The following ALPK1 variants were observed in gnomAD, a reference collection of about 807,000 sequenced individuals.
ALPK1 encodes the protein alpha-protein kinase 1.
ALPK1 carries 110 observed loss-of-function variants against 120.6 expected under a neutral mutation model. That is an observed-to-expected ratio of 0.91 (90% CI 0.78 to 1.07). The LOEUF is 1.07. Ranked by LOEUF, ALPK1 falls within the 50% of genes least tolerant of loss-of-function variation. The pLI is 0.00. For synonymous variants in ALPK1, 582 were observed against 560.3 expected (o/e 1.04, Z -0.55); for missense variants, 1,498 against 1,483.9 (o/e 1.01, Z -0.16).
At chr4:112,423,623 C>A in intron 5 of ALPK1, 1 of 454,374 alleles carries the variant, frequency 2.2e-6, no homozygotes. Flanking sequence ...ATAGTTTTCA[C>A]AGGGAGGCGG....
chr4:112,359,142 A>G, intron 2 of ALPK1: 1 of 685,698 alleles, frequency 1.5e-6, no homozygotes, highest in Non-Finnish European at 2.7e-6. Context: ...GCTGGATCCC[A>G]GAGAGCACCT....
At chr4:112,350,809 A>C (rs1248833709) in intron 2 of ALPK1, among the ~76,000 whole-genome samples, 1 of 152,176 alleles carries the variant, frequency 6.6e-6, no homozygotes, top group African/African-American at 2.4e-5. Context: ...CAGAGAATAC[A>C]TCTCAAGTTG....
chr4:112,429,928 A>G (rs1039992598), intron 10 of ALPK1, among the ~76,000 whole-genome samples: 3 of 152,006 alleles, frequency 2.0e-5, no homozygotes, highest in Non-Finnish European at 4.4e-5. Flanking sequence ...GCTCCACCCT[A>G]GATCCACTAA....
chr4:112,338,550 A>G lies in ALPK1; in HGVS notation c.-101+22698A>G, dbSNP rs1286993968. Among the ~76,000 whole-genome samples, 6 of 152,208 alleles carry G rather than the reference A, an allele frequency of 3.9e-5. 1 individual carries two copies. Among genetic ancestry groups the G allele is most frequent in the Non-Finnish European group, 7.3e-5 (5 of 68,034 alleles). ...AAAATATATGTAACGGATAAGAGGAAAAGCCTACAGAAAAGATGCTTAATA... is the reference window on the plus strand; with the variant it reads ...AAAATATATGTAACGGATAAGAGGAGAAGCCTACAGAAAAGATGCTTAATA... On this transcript the variant is annotated intron_variant, in intron 2 of 15. Transcript: ENST00000650871.
intron 1 of ALPK1, among the ~76,000 whole-genome samples, chr4:112,311,035 A>C (rs1174878383): frequency 6.6e-6 from 1 of 152,230 alleles, no homozygotes; most frequent in Non-Finnish European, 1.5e-5. Context: ...ACAAGTTCAC[A>C]CGTAGCTGGT....
At position 112,416,002 on chromosome 4, in the gene ALPK1, A is replaced by G. The variant is rs567659856; in HGVS notation, c.475+3977A>G. Among the ~76,000 whole-genome samples the G allele has an allele frequency of 9.2e-5, 14 of 152,380 alleles. 1 individual carries two copies. In the East Asian group the frequency reaches 2.7e-3, roughly 29 times the overall value. On this transcript the variant is annotated intron_variant, in intron 5 of 15. Coordinates refer to ENST00000650871, the MANE Select transcript of ALPK1 (RefSeq NM_025144.4). ...TACAATTATTTTGGCAAATCATAAT[A>G]AAAATTTCTAAATGCTCACTCTCAG...
chr4:112,411,770 G>T, intron 4 of ALPK1, 57 bp from the exon 5 acceptor site: 1 of 1,527,156 alleles, frequency 6.5e-7, no homozygotes, highest in South Asian at 1.2e-5. Flanking sequence ...GCTAAGCCTG[G>T]CCCTCAGCCT....
chr4:112,431,095 A>G lies in ALPK1; in HGVS notation c.1548A>G (p.Thr516=). 6.2e-7 allele frequency: 1 copy of G among 1,614,246 alleles called. No individual in the cohort carries two copies. The highest frequency in any genetic ancestry group is 1.6e-4 in the Middle Eastern group (1 of 6,062). The change falls in exon 11 of 16, where the codon ACA becomes ACG. Residue 516 remains threonine, a synonymous_variant. Transcript: ENST00000650871. ...TQEKPHCQRD[T]GISSSLMGKN... The stretch of plus-strand genomic sequence containing the variant: ...AAAAGCCACATTGTCAAAGAGACAC[A>G]GGAATATCTTCCTCCCTAATGGGTA...
intron 1 of ALPK1, among the ~76,000 whole-genome samples, chr4:112,306,346 C>T (rs1728055272): frequency 6.6e-6 from 1 of 152,060 alleles, no homozygotes; most frequent in Non-Finnish European, 1.5e-5. Context: ...CTTTGTACCT[C>T]TGGTAGAATT....
At chr4:112,366,088 T>C (rs1228418001) in intron 2 of ALPK1, among the ~76,000 whole-genome samples, 1 of 152,080 alleles carries the variant, frequency 6.6e-6, no homozygotes, top group Non-Finnish European at 1.5e-5. Flanking sequence ...ATCTAAGACC[T>C]AAAACCATAA....
At chr4:112,364,615 T>G (rs1731059296) in intron 2 of ALPK1, among the ~76,000 whole-genome samples, 1 of 152,130 alleles carries the variant, frequency 6.6e-6, no homozygotes, top group South Asian at 2.1e-4. Flanking sequence ...ACAGCTGAAT[T>G]CTATCAGACA....
intron 2 of ALPK1, chr4:112,356,440 C>T (rs1469270769): frequency 5.3e-6 from 5 of 939,952 alleles, no homozygotes; most frequent in South Asian, 1.3e-5. Context: ...GCTTGCTACA[C>T]GGACATCCCA....
intron 1 of ALPK1, among the ~76,000 whole-genome samples, chr4:112,310,325 C>A (rs1008048114): frequency 6.6e-6 from 1 of 152,088 alleles, no homozygotes; most frequent in African/African-American, 2.4e-5. Context: ...AAGGTTGTAA[C>A]ATTTGAGAGG....
chr4:112,361,602 C>T (rs946056913), intron 2 of ALPK1, among the ~76,000 whole-genome samples: 21 of 152,316 alleles, frequency 1.4e-4, no homozygotes, highest in African/African-American at 5.1e-4. Flanking sequence ...CACGCCTAAC[C>T]CTGCCCCCAT....
intron 2 of ALPK1, among the ~76,000 whole-genome samples, chr4:112,366,506 C>T (rs1731159911): frequency 6.6e-6 from 1 of 152,126 alleles, no homozygotes; most frequent in African/African-American, 2.4e-5. Flanking sequence ...TGTGATACCA[C>T]CTTACTCCTG....
At chr4:112,407,767 C>T (rs1232062260) in intron 4 of ALPK1, among the ~76,000 whole-genome samples, 2 of 152,080 alleles carry the variant, frequency 1.3e-5, no homozygotes, top group East Asian at 1.9e-4. Context: ...CATTGCTGCC[C>T]GAGTAGTTAC....
chr4:112,439,625 C>T (rs1734942234), intron 13 of ALPK1, 61 bp from the exon 14 acceptor site: 1 of 1,444,682 alleles, frequency 6.9e-7, no homozygotes, highest in East Asian at 2.4e-5. Flanking sequence ...AAGATTTACC[C>T]AAGTCCAAAG....
chr4:112,302,385 A>T lies in ALPK1; in HGVS notation c.-153+4916A>T, dbSNP rs536305187. ...GAGATCCCTCTACTTGTTGATGGGC[A>T]GCTTCCCGGGCCACTCCTCTCAGGT... is the stretch of plus-strand genomic sequence containing the variant. On this transcript the variant is annotated intron_variant, in intron 1 of 15. Coordinates refer to ENST00000650871, the MANE Select transcript of ALPK1 (RefSeq NM_025144.4). The T allele has an allele frequency of 2.0e-5, 3 of 152,402 alleles. No homozygotes were observed. In the East Asian group the frequency reaches 5.8e-4, roughly 29 times the overall value. The allele number at this position is 152,402 out of a possible 1,614,324, so 9.4% of individuals were successfully genotyped here.
intron 1 of ALPK1, among the ~76,000 whole-genome samples, chr4:112,305,869 G>T (rs1728026754): frequency 6.6e-6 from 1 of 152,048 alleles, no homozygotes; most frequent in African/African-American, 2.4e-5. Flanking sequence ...CATTCAGTAT[G>T]ATATTGGCTG....
Sources: gnomAD v4.1 joint callset for allele counts (sites outside exome capture counted in the v4.1 genomes callset) on GRCh38, gnomAD v4.1.1 for gene constraint, MANE v1.5 for transcripts, NCBI Gene and HGNC (gene_info 2026-07-23, HGNC 2026-07-21) for gene names.